Variants in TRAPPC12 observed in about 807,000 individuals in gnomAD.
TRAPPC12 encodes the protein trafficking protein particle complex subunit 12.
In TRAPPC12, 61 loss-of-function variants were observed where a neutral mutation model predicts 69.2. The ratio of observed to expected loss-of-function variants is 0.88; its 90% CI spans 0.72 to 1.09. TRAPPC12 has a LOEUF of 1.09. Ranked by LOEUF, TRAPPC12 falls within the 50% of genes least tolerant of loss-of-function variation. The pLI is 0.00. For synonymous variants in TRAPPC12, 469 were observed against 438.9 expected (o/e 1.07, Z -0.86); for missense variants, 1,101 against 1,016.4 (o/e 1.08, Z -1.13).
chr2:3,382,336 T>G (rs889787832), intron 1 of TRAPPC12, among the ~76,000 whole-genome samples: 22 of 152,106 alleles, frequency 1.4e-4, no homozygotes, highest in Non-Finnish European at 1.5e-5. Context: ...CATTTCACTA[T>G]GTTAGCCGGT....
intron 3 of TRAPPC12, among the ~76,000 whole-genome samples, chr2:3,411,237 A>G (rs778891813): frequency 1.3e-4 from 20 of 152,198 alleles, no homozygotes; most frequent in Non-Finnish European, 2.5e-4. Flanking sequence ...TATTATTTCA[A>G]CCAGCCTGAA....
chr2:3,409,982 C>T (rs897083153), intron 3 of TRAPPC12, among the ~76,000 whole-genome samples: 28 of 152,244 alleles, frequency 1.8e-4, no homozygotes, highest in Middle Eastern at 3.4e-3. Flanking sequence ...GGTCTGCCAG[C>T]GCCGAGCCCT....
intron 5 of TRAPPC12, among the ~76,000 whole-genome samples, chr2:3,441,795 G>A (rs1049162495): frequency 6.6e-6 from 1 of 151,836 alleles, no homozygotes. Context: ...GCTGGTTTCA[G>A]ATCTTTCTTT....
intron 5 of TRAPPC12, among the ~76,000 whole-genome samples, chr2:3,426,842 C>G (rs983495819): frequency 6.6e-6 from 1 of 152,208 alleles, no homozygotes; most frequent in African/African-American, 2.4e-5. Context: ...TTCCCACATC[C>G]GCTCATGAGT....
chr2:3,443,520 AATGATTGCAGTG>A (rs1664335688), intron 5 of TRAPPC12, among the ~76,000 whole-genome samples: 1 of 152,158 alleles, frequency 6.6e-6, no homozygotes, highest in Non-Finnish European at 1.5e-5. Context: ...ATCATTTCTA[AATGATTGCAGTG>A]TAGCTTTGGA....
intron 5 of TRAPPC12, among the ~76,000 whole-genome samples, chr2:3,425,879 T>C (rs1163098597): frequency 6.6e-6 from 1 of 152,218 alleles, no homozygotes; most frequent in Non-Finnish European, 1.5e-5. Flanking sequence ...AGTAGGTAAA[T>C]AGATGAACTA....
At chr2:3,390,113 G>A (rs1023133405) in intron 2 of TRAPPC12, among the ~76,000 whole-genome samples, 1 of 152,170 alleles carries the variant, frequency 6.6e-6, no homozygotes, top group African/African-American at 2.4e-5. Context: ...GGTTTATCCG[G>A]GACTTGCAGC....
intron 6 of TRAPPC12, among the ~76,000 whole-genome samples, chr2:3,450,471 G>A (rs749054687): frequency 6.6e-6 from 1 of 152,182 alleles, no homozygotes; most frequent in Non-Finnish European, 1.5e-5. Context: ...CTGAAGTGCC[G>A]GCTGCATGAC....
At chr2:3,419,703 C>T (rs1393325458) in intron 3 of TRAPPC12, among the ~76,000 whole-genome samples, 1 of 151,798 alleles carries the variant, frequency 6.6e-6, no homozygotes, top group Non-Finnish European at 1.5e-5. Flanking sequence ...AGTTGCCCTG[C>T]TAATATTTGC....
chr2:3,391,971 T>G (rs578016639), intron 2 of TRAPPC12, among the ~76,000 whole-genome samples: 34 of 152,186 alleles, frequency 2.2e-4, no homozygotes, highest in Non-Finnish European at 4.6e-4. Context: ...AGAGGAAATC[T>G]GAAGGTTGCC....
chr2:3,476,998 G>T (rs374230078), intron 9 of TRAPPC12, among the ~76,000 whole-genome samples: 1 of 152,194 alleles, frequency 6.6e-6, no homozygotes, highest in Non-Finnish European at 1.5e-5. Flanking sequence ...GTAAGCCTTA[G>T]ATCATTTATT....
At chr2:3,436,690 G>A (rs553272354) in intron 5 of TRAPPC12, among the ~76,000 whole-genome samples, 222 of 151,868 alleles carry the variant, frequency 1.5e-3, no homozygotes, top group African/African-American at 5.0e-3. Flanking sequence ...CTGTCATGCC[G>A]AATAGTTTCA....
chr2:3,458,562 A>G (rs1665308416), intron 7 of TRAPPC12: 1 of 605,918 alleles, frequency 1.7e-6, no homozygotes, highest in South Asian at 7.3e-5. Flanking sequence ...ATGCTGTGGC[A>G]TGTGGTGTGG....
At chr2:3,403,212 G>A (rs115902412) in intron 3 of TRAPPC12, among the ~76,000 whole-genome samples, 41 of 150,352 alleles carry the variant, frequency 2.7e-4, no homozygotes, top group African/African-American at 9.8e-4. Context: ...CTTCTGCACC[G>A]GGCTTCAGAT....
chr2:3,389,814 A>G (rs1660723113), intron 2 of TRAPPC12: 1 of 470,680 alleles, frequency 2.1e-6, no homozygotes, highest in Admixed American at 2.3e-5. Context: ...TGAGCACAAA[A>G]CAGCTCTCAG....
chr2:3,384,085 A>G (rs1330467475), intron 1 of TRAPPC12, among the ~76,000 whole-genome samples: 2 of 151,554 alleles, frequency 1.3e-5, no homozygotes, highest in African/African-American at 4.8e-5. Flanking sequence ...TAGTAGAGAC[A>G]GTGTTTCACC....
chr2:3,389,757 G>A (rs1316348991), intron 2 of TRAPPC12: 2 of 470,578 alleles, frequency 4.3e-6, no homozygotes, highest in African/African-American at 2.0e-5. Context: ...CAAGAAGAAC[G>A]AGATTATGCC....
chr2:3,454,165 G>T (rs892790038), intron 6 of TRAPPC12, among the ~76,000 whole-genome samples: 19 of 152,380 alleles, frequency 1.2e-4, no homozygotes, highest in Non-Finnish European at 2.6e-4. Context: ...GCGTCGTTTT[G>T]TGTGTCCCTC....
At chr2:3,476,938 C>T (rs573876275) in intron 9 of TRAPPC12, among the ~76,000 whole-genome samples, 3 of 152,374 alleles carry the variant, frequency 2.0e-5, no homozygotes, top group Non-Finnish European at 2.9e-5. Flanking sequence ...CTCGTGAGCG[C>T]GGCTTGGGCC....
Sources: allele counts gnomAD v4.1 joint callset (sites outside exome capture counted in the v4.1 genomes callset), GRCh38; gene constraint gnomAD v4.1.1; transcripts MANE v1.5; gene names NCBI Gene and HGNC (gene_info 2026-07-23, HGNC 2026-07-21).